Variants in PIAS2 observed in about 807,000 individuals in gnomAD.
PIAS2 encodes protein inhibitor of activated STAT 2.
Under a neutral mutation model 69.7 loss-of-function variants are expected in PIAS2, and 19 were observed. The ratio of observed to expected loss-of-function variants is 0.27; its 90% CI spans 0.19 to 0.40. The LOEUF (loss-of-function observed/expected upper bound fraction) is 0.40. Among genes scored for constraint, PIAS2 ranks in the 10% least tolerant of loss-of-function variants. PIAS2 has a pLI of 1.00. For synonymous variants in PIAS2, 261 were observed against 263.2 expected (o/e 0.99, Z 0.08); for missense variants, 624 against 757.0 (o/e 0.82, Z 2.06).
At chr18:46,873,951 G>C (rs2050768650) in intron 2 of PIAS2, among the ~76,000 whole-genome samples, 1 of 152,126 alleles carries the variant, frequency 6.6e-6, no homozygotes, top group Non-Finnish European at 1.5e-5. Context: ...TAGGAGCCAA[G>C]GAAAACTCAG....
intron 3 of PIAS2, among the ~76,000 whole-genome samples, chr18:46,862,069 C>T (rs192611078): frequency 8.1e-4 from 123 of 152,050 alleles, no homozygotes; most frequent in Admixed American, 2.3e-3. Flanking sequence ...TGGTGGCTCA[C>T]GCCTGTAATC....
At chr18:46,844,688 C>CT (rs377729779) in intron 7 of PIAS2, 46 bp downstream of exon 7, 11,210 of 576,756 alleles carry the variant, frequency 0.019, no homozygotes, top group South Asian at 0.023. Context: ...TATGCTCAAT[C>CT]TTTTTTTTTT....
Position 46,823,525 on chromosome 18 carries a change from A to G in PIAS2, c.1509-2453T>C, listed in dbSNP as rs920875089. Among the ~76,000 whole-genome samples, 6 of 152,190 alleles carry G rather than the reference A, an allele frequency of 3.9e-5. 1 individual carries two copies. The South Asian group carries it at 1.2e-3, about 31-fold the overall frequency. ...TACCTACACACCTGTCTGTCACTACAGTAACACCTAATAACTGTACGTGTC... is the reference window on the plus strand; with the variant it reads ...TACCTACACACCTGTCTGTCACTACGGTAACACCTAATAACTGTACGTGTC... On this transcript the variant is annotated intron_variant, in intron 11 of 13. Transcript: ENST00000585916.
At chr18:46,887,556 G>A (rs1284144411) in intron 2 of PIAS2, among the ~76,000 whole-genome samples, 1 of 152,134 alleles carries the variant, frequency 6.6e-6, no homozygotes, top group African/African-American at 2.4e-5. Flanking sequence ...TAGGCAGTAA[G>A]AATTATAACA....
intron 12 of PIAS2, chr18:46,816,749 T>A (rs2041598389): frequency 5.1e-6 from 5 of 970,996 alleles, no homozygotes; most frequent in Non-Finnish European, 4.9e-6. Context: ...ATTACAGACA[T>A]AAGCCACCGC....
At chr18:46,832,555 C>A (rs556867173) in intron 9 of PIAS2, among the ~76,000 whole-genome samples, 1 of 152,176 alleles carries the variant, frequency 6.6e-6, no homozygotes. Flanking sequence ...AATAAACCCA[C>A]AATGGAGTAC....
intron 3 of PIAS2, among the ~76,000 whole-genome samples, chr18:46,860,389 G>C (rs570232576): frequency 1.3e-4 from 20 of 152,290 alleles, no homozygotes; most frequent in Non-Finnish European, 1.9e-4. Context: ...TTGGAAAGTA[G>C]TGTTACAAAA....
At chr18:46,886,969 C>T (rs1398083285) in intron 2 of PIAS2, among the ~76,000 whole-genome samples, 2 of 152,078 alleles carry the variant, frequency 1.3e-5, no homozygotes, top group Non-Finnish European at 2.9e-5. Context: ...TTCAATAGCA[C>T]CCAGTAAAGG....
At chr18:46,829,241 C>T (rs2043242510) in intron 10 of PIAS2, among the ~76,000 whole-genome samples, 1 of 152,140 alleles carries the variant, frequency 6.6e-6, no homozygotes, top group African/African-American at 2.4e-5. Context: ...AGTATACATT[C>T]TAGGTAATCA....
At chr18:46,908,795 G>C (rs557827665) in intron 1 of PIAS2, among the ~76,000 whole-genome samples, 1 of 152,288 alleles carries the variant, frequency 6.6e-6, no homozygotes, top group South Asian at 2.1e-4. Context: ...GATCACCTGA[G>C]GTCAGGAGTT....
chr18:46,916,993 C>T, intron 1 of PIAS2: 1 of 986,376 alleles, frequency 1.0e-6, no homozygotes, highest in Non-Finnish European at 1.2e-6. Flanking sequence ...CTTCCCACAT[C>T]GGCCCTCACT....
At chr18:46,891,153 T>A in intron 1 of PIAS2, 99 bp from the exon 2 acceptor site, 1 of 825,600 alleles carries the variant, frequency 1.2e-6, no homozygotes, top group Admixed American at 2.5e-5. Flanking sequence ...CAGCATTCTA[T>A]CAATTGGCAT....
At chr18:46,877,473 C>A (rs1225850818) in intron 2 of PIAS2, among the ~76,000 whole-genome samples, 1 of 151,952 alleles carries the variant, frequency 6.6e-6, no homozygotes, top group Non-Finnish European at 1.5e-5. Context: ...GTCCTCTTCA[C>A]TCCTGACCAC....
intron 12 of PIAS2, chr18:46,815,755 G>C: frequency 1.0e-6 from 1 of 1,000,388 alleles, no homozygotes; most frequent in Non-Finnish European, 1.2e-6. Context: ...GAAATACAGA[G>C]GTTCATCTAA....
rs770114950 is a variant in PIAS2 at position 46,829,784 on chromosome 18, G to C, written c.1286C>G (p.Pro429Arg). 1 of 1,612,720 alleles carries C rather than the reference G, an allele frequency of 6.2e-7. No homozygotes were observed. Among genetic ancestry groups the C allele is most frequent in the Non-Finnish European group, 8.5e-7 (1 of 1,179,332 alleles). Residue 429 changes from proline to arginine, a missense_variant, in exon 10 of 14, where the codon CCG (proline) becomes CGG (arginine). Physicochemically the swap from Pro to Arg is moderately radical, Grantham distance 103. Coordinates refer to ENST00000585916, the MANE Select transcript of PIAS2 (RefSeq NM_004671.5). Reference sequence around the variant, plus strand: ...GGATACTTTCATAGCTTCTTTCTTCGGTCTCATTGGACACCAAGAACCATC... The same window carrying C: ...GGATACTTTCATAGCTTCTTTCTTCCGTCTCATTGGACACCAAGAACCATC... ...QEDGSWCPMR[P>R]KKEAMKVSSQ...
At chr18:46,889,767 C>T (rs1327252160) in intron 2 of PIAS2, among the ~76,000 whole-genome samples, 2 of 152,150 alleles carry the variant, frequency 1.3e-5, no homozygotes, top group Non-Finnish European at 2.9e-5. Flanking sequence ...CAAAGAGATA[C>T]GTGTATACCC....
intron 2 of PIAS2, among the ~76,000 whole-genome samples, chr18:46,881,012 T>C (rs1675564670): frequency 6.6e-6 from 1 of 152,244 alleles, no homozygotes; most frequent in African/African-American, 2.4e-5. Flanking sequence ...GATTTATCTA[T>C]ACAGAAATTA....
In PIAS2 at chr18:46,836,686, T is replaced by C. The variant is rs543132880; in HGVS notation, c.1042-169A>G. Among the ~76,000 whole-genome samples the C allele has an allele frequency of 1.2e-3, 176 of 152,330 alleles. 1 individual carries two copies. The highest frequency in any genetic ancestry group is 3.9e-3 in the African/African-American group (164 of 41,590). ...GAAGATTACAATATATTTTTATTCA[T>C]TGACTGCCCTATGATTTTTGAAAAA... On this transcript the variant is annotated intron_variant, in intron 8 of 13. Coordinates refer to ENST00000585916, the MANE Select transcript of PIAS2 (RefSeq NM_004671.5).
chr18:46,850,466 T>C (rs1315543662), intron 5 of PIAS2, among the ~76,000 whole-genome samples: 1 of 152,148 alleles, frequency 6.6e-6, no homozygotes, highest in Non-Finnish European at 1.5e-5. Flanking sequence ...CTAGATTAGG[T>C]ATATTGCTTC....
Sources: allele counts gnomAD v4.1 joint callset (sites outside exome capture counted in the v4.1 genomes callset), GRCh38; gene constraint gnomAD v4.1.1; transcripts MANE v1.5; gene names NCBI Gene and HGNC (gene_info 2026-07-23, HGNC 2026-07-21).